LPAR1: variants seen among roughly 807,000 people sequenced by gnomAD.
LPAR1 encodes the protein LPA receptor 1.
Under a neutral mutation model 23.8 loss-of-function variants are expected in LPAR1, and 5 were observed. That is an observed-to-expected ratio of 0.21 (90% CI 0.11 to 0.44). LPAR1 has a LOEUF of 0.44. Among genes scored for constraint, LPAR1 ranks in the 20% least tolerant of loss-of-function variants. The pLI is 0.99. For synonymous variants in LPAR1, 160 were observed against 164.7 expected (o/e 0.97, Z 0.22); for missense variants, 311 against 482.8 (o/e 0.64, Z 3.33).
chr9:110,946,858 AAATT>A (rs1200408494), intron 4 of LPAR1, among the ~76,000 whole-genome samples: 1 of 152,202 alleles, frequency 6.6e-6, no homozygotes, highest in Non-Finnish European at 1.5e-5. Flanking sequence ...TCTGGGATTA[AAATT>A]ACTTACTGTA....
At chr9:110,999,569 T>A (rs1221165657) in intron 2 of LPAR1, 1 of 379,338 alleles carries the variant, frequency 2.6e-6, no homozygotes, top group African/African-American at 2.1e-5. Flanking sequence ...TTCTTACAGA[T>A]CTGAAGGCTG....
chr9:110,879,007 T>C (rs1564343996), intron 5 of LPAR1, among the ~76,000 whole-genome samples: 1 of 152,062 alleles, frequency 6.6e-6, no homozygotes. Context: ...GGGAATGAAA[T>C]ATAGTACTCA....
intron 5 of LPAR1, among the ~76,000 whole-genome samples, chr9:110,934,866 GGAGA>G (rs1188307834): frequency 6.6e-6 from 1 of 151,386 alleles, no homozygotes; most frequent in Admixed American, 6.6e-5. Flanking sequence ...AGAGAGGAGA[GGAGA>G]GAGAGAGCAC....
At chr9:111,006,622 G>A (rs890032417) in intron 2 of LPAR1, among the ~76,000 whole-genome samples, 1 of 152,036 alleles carries the variant, frequency 6.6e-6, no homozygotes, top group African/African-American at 2.4e-5. Context: ...CTCCAAATAG[G>A]TACACAGGCA....
At chr9:110,881,502 C>T (rs1279114837) in intron 5 of LPAR1, among the ~76,000 whole-genome samples, 1 of 152,106 alleles carries the variant, frequency 6.6e-6, no homozygotes, top group African/African-American at 2.4e-5. Context: ...GGTGTACTCT[C>T]CTTAACATTA....
intron 5 of LPAR1, among the ~76,000 whole-genome samples, chr9:110,901,901 C>A (rs2089233424): frequency 6.6e-6 from 1 of 152,096 alleles, no homozygotes; most frequent in East Asian, 1.9e-4. Flanking sequence ...CTTCTCCGAC[C>A]CCAACTCTAC....
At chr9:110,977,813 AGGGAGGGCGGGAG>A (rs765128501) in intron 2 of LPAR1, among the ~76,000 whole-genome samples, 28 of 93,592 alleles carry the variant, frequency 3.0e-4, no homozygotes, top group African/African-American at 9.7e-4. Context: ...GGAAGGAGGG[AGGGAGGGCGGGAG>A]GGAGGGAGGG....
intron 5 of LPAR1, among the ~76,000 whole-genome samples, chr9:110,892,730 G>A (rs1365715745): frequency 1.4e-5 from 2 of 146,408 alleles, no homozygotes; most frequent in African/African-American, 5.0e-5. Flanking sequence ...GAAGGGAAAG[G>A]GAAAGGGAAG....
chr9:110,898,865 C>G (rs925561899), intron 5 of LPAR1, among the ~76,000 whole-genome samples: 19 of 152,240 alleles, frequency 1.2e-4, no homozygotes, highest in Admixed American at 3.9e-4. Flanking sequence ...ATGTGTGTCA[C>G]CTTAACTCCA....
intron 4 of LPAR1, among the ~76,000 whole-genome samples, chr9:110,958,964 C>A (rs1207919977): frequency 6.7e-6 from 1 of 148,326 alleles, no homozygotes; most frequent in Non-Finnish European, 1.5e-5. Context: ...TGAAAAAAAA[C>A]GCTTAACTTT....
chr9:110,978,152 A>G (rs536585214), intron 2 of LPAR1, among the ~76,000 whole-genome samples: 140 of 152,308 alleles, frequency 9.2e-4, no homozygotes, highest in African/African-American at 3.1e-3. Flanking sequence ...TCCAGGGGAC[A>G]TAGTAGAATC....
In LPAR1 at chr9:110,875,291, T is replaced by A; in HGVS notation, c.*130A>T. ...TGGGGTCCAGGAACAAATACTGTCA[T>A]TGGTTAGTGTTTAAGTACATGAGTT... On this transcript the variant is annotated 3_prime_UTR_variant, in exon 6 of 6. Coordinates refer to ENST00000683809, the MANE Select transcript of LPAR1 (RefSeq NM_001351411.2). 1.5e-6 allele frequency: 1 copy of A among 684,446 alleles called. No homozygotes were observed. The highest frequency in any genetic ancestry group is 2.4e-6 in the Non-Finnish European group (1 of 414,088). 42.4% of individuals were successfully genotyped at this position (684,446 alleles called of 1,614,324 possible). A position where few individuals can be genotyped will look rare whatever the true frequency, so the allele number is the denominator to read the frequency against.
upstream of LPAR1, chr9:111,038,621 G>A (rs751768221): frequency 3.4e-4 from 154 of 454,852 alleles, no homozygotes; most frequent in Non-Finnish European, 5.8e-4. The surrounding 1 kb of genome is among the most constrained non-coding windows in gnomAD (Gnocchi z 4.4). Flanking sequence ...CCCAGAGTCC[G>A]CCCTCCCCGC....
intron 4 of LPAR1, among the ~76,000 whole-genome samples, chr9:110,952,518 C>T (rs2095601071): frequency 6.6e-6 from 1 of 152,236 alleles, no homozygotes; most frequent in Non-Finnish European, 1.5e-5. Context: ...GCTACACTGA[C>T]ACCCTCTGCT....
At chr9:110,892,673 G>C (rs1358575366) in intron 5 of LPAR1, among the ~76,000 whole-genome samples, 1 of 146,226 alleles carries the variant, frequency 6.8e-6, no homozygotes, top group Non-Finnish European at 1.5e-5. Context: ...AAGAAAGAGA[G>C]AGAGAGGGGG....
chr9:110,917,847 C>A (rs992401736), intron 5 of LPAR1, among the ~76,000 whole-genome samples: 7 of 151,896 alleles, frequency 4.6e-5, no homozygotes, highest in Non-Finnish European at 8.8e-5. Flanking sequence ...CCTCCTTTTT[C>A]TTGCTTATTT....
chr9:110,984,380 C>T (rs1316855146), intron 2 of LPAR1, among the ~76,000 whole-genome samples: 1 of 152,032 alleles, frequency 6.6e-6, no homozygotes, highest in Non-Finnish European at 1.5e-5. Context: ...CCTCCAGTTC[C>T]ATCCATGTTG....
chr9:110,939,452 A>T (rs2094945169), intron 5 of LPAR1, among the ~76,000 whole-genome samples: 1 of 152,186 alleles, frequency 6.6e-6, no homozygotes, highest in Non-Finnish European at 1.5e-5. Flanking sequence ...CAGCTTTAAA[A>T]ATCATGCTCT....
intron 2 of LPAR1, among the ~76,000 whole-genome samples, chr9:111,013,515 C>T (rs937185870): frequency 1.3e-5 from 2 of 152,100 alleles, no homozygotes; most frequent in Non-Finnish European, 2.9e-5. Context: ...ATGTTCTGAC[C>T]AAAGTACCAC....
Sources: allele counts gnomAD v4.1 joint callset (sites outside exome capture counted in the v4.1 genomes callset), GRCh38; gene constraint gnomAD v4.1.1; non-coding constraint Gnocchi (gnomAD v3.1); transcripts MANE v1.5; gene names NCBI Gene and HGNC (gene_info 2026-07-23, HGNC 2026-07-21).